The following ACTN1 variants were observed in gnomAD, a reference collection of about 807,000 sequenced individuals.
ACTN1 encodes alpha-actinin-1.
In ACTN1, 30 loss-of-function variants were observed where a neutral mutation model predicts 119.6. The ratio of observed to expected loss-of-function variants is 0.25; its 90% confidence interval spans 0.19 to 0.34. The LOEUF is 0.34. Among genes scored for constraint, ACTN1 ranks in the 10% least tolerant of loss-of-function variants. The pLI is 1.00. For missense variants in ACTN1, 764 were observed against 1,223.4 expected (o/e 0.62, Z 5.60); for synonymous variants, 429 against 472.6 (o/e 0.91, Z 1.20).
At chr14:68,932,471 A>G (rs2035264747) in intron 1 of ACTN1, among the ~76,000 whole-genome samples, 1 of 137,864 alleles carries the variant, frequency 7.3e-6, no homozygotes, top group South Asian at 2.3e-4. Flanking sequence ...CATCTATCTC[A>G]TTAGTTCTGT....
chr14:68,914,606 A>C (rs981014320), intron 3 of ACTN1, among the ~76,000 whole-genome samples: 3 of 152,134 alleles, frequency 2.0e-5, no homozygotes, highest in African/African-American at 7.2e-5. Flanking sequence ...CTCTACAAAA[A>C]AATGAAAAAA....
intron 1 of ACTN1, among the ~76,000 whole-genome samples, chr14:68,952,653 C>A (rs558698562): frequency 3.3e-5 from 5 of 151,782 alleles, no homozygotes; most frequent in Non-Finnish European, 5.9e-5. Flanking sequence ...TCTGAAGGCA[C>A]AGGCTTAACA....
intron 3 of ACTN1, among the ~76,000 whole-genome samples, chr14:68,917,795 G>A (rs970373482): frequency 2.0e-5 from 3 of 152,238 alleles, no homozygotes; most frequent in African/African-American, 7.2e-5. Flanking sequence ...TCGGGGCGTG[G>A]TGGCTTGCGC....
chr14:68,959,072 T>C (rs1325258961), intron 1 of ACTN1, among the ~76,000 whole-genome samples: 5 of 152,240 alleles, frequency 3.3e-5, no homozygotes, highest in African/African-American at 4.8e-5. Context: ...CACCAACCTA[T>C]TAGCTCTCTT....
At chr14:68,956,869 TGGGGA>T (rs2140575186) in intron 1 of ACTN1, among the ~76,000 whole-genome samples, 1 of 152,072 alleles carries the variant, frequency 6.6e-6, no homozygotes, top group African/African-American at 2.4e-5. Context: ...GTTTTCTGGG[TGGGGA>T]GAGACAAAGC....
rs770672420 is a variant in ACTN1, at chr14:68,875,105, G to A, written c.2587-88C>T. On this transcript the variant is annotated intron_variant, in intron 21 of 21. Coordinates refer to ENST00000394419, the MANE Select transcript of ACTN1 (RefSeq NM_001130004.2). ...ACACAGCCGCAAAGCCTGGCGGCGT[G>A]AAGGCAGCATGTGCCGTTTGCATTT... The A allele has an allele frequency of 3.8e-6, 6 of 1,576,510 alleles. No individual in the cohort carries two copies. The Admixed American group carries it at 9.1e-5, about 24-fold the overall frequency.
rs2031116558 is a variant in ACTN1, at chr14:68,878,270, T to C, written c.2427+188A>G. ...AGGCGAGGAGGTCAGGCCTCCCGGA[T>C]ACACACACGCCCGTGGCCGGGCCGG... On this transcript the variant is annotated intron_variant, in intron 20 of 21. Coordinates refer to ENST00000394419, the MANE Select transcript of ACTN1 (RefSeq NM_001130004.2). The surrounding 1 kb of genome is among the most constrained non-coding windows in gnomAD (Gnocchi z 4.4). The C allele has an allele frequency of 1.4e-6, 1 of 739,544 alleles. No individual in the cohort carries two copies. Among genetic ancestry groups the C allele is most frequent in the Non-Finnish European group, 2.1e-6 (1 of 481,530 alleles). 45.8% of individuals were successfully genotyped at this position (739,544 alleles called of 1,614,324 possible). A position where few individuals can be genotyped will look rare whatever the true frequency, so the allele number is the denominator to read the frequency against.
intron 1 of ACTN1, among the ~76,000 whole-genome samples, chr14:68,967,698 G>T (rs1322261623): frequency 6.6e-6 from 1 of 152,254 alleles, no homozygotes; most frequent in African/African-American, 2.4e-5. Flanking sequence ...AGAGCCAGAA[G>T]ATAAGAAGGC....
In ACTN1 at chr14:68,884,853, G is replaced by A. The variant is rs1186664365; in HGVS notation, c.1416C>T (p.Val472=). The A allele has an allele frequency of 6.2e-7, 1 of 1,614,160 alleles. No individual in the cohort carries two copies. Among genetic ancestry groups the A allele is most frequent in the Non-Finnish European group, 8.5e-7 (1 of 1,179,970 alleles). Residue 472 remains valine (V), a synonymous_variant, in exon 13 of 22, where the codon GTC becomes GTT. Transcript: ENST00000394419. ...NELDYYDSPS[V]NARCQKICDQ... is the part of the protein sequence containing the mutation. ...CACAGATCTTTTGGCAACGGGCGTT[G>A]ACACTGGGTGAGTCATAATAGTCCA...
intron 1 of ACTN1, among the ~76,000 whole-genome samples, chr14:68,938,465 C>G (rs573578641): frequency 6.6e-6 from 1 of 152,016 alleles, no homozygotes. Flanking sequence ...CCTCAGGATC[C>G]CTATCTGTAA....
In ACTN1 at chr14:68,887,709, A is replaced by C. The variant is rs1227839902; in HGVS notation, c.1235-2134T>G. On this transcript the variant is annotated intron_variant, in intron 11 of 21. Coordinates refer to ENST00000394419, the MANE Select transcript of ACTN1 (RefSeq NM_001130004.2). ...CTACTAAAAAGCTTGCATTTACAAAATAGTTGATAAAAAATATTCCTCTGG... is the reference window on the plus strand; with the variant it reads ...CTACTAAAAAGCTTGCATTTACAAACTAGTTGATAAAAAATATTCCTCTGG... The C allele has an allele frequency of 1.4e-5, 20 of 1,387,184 alleles. No homozygotes were observed. The East Asian group carries it at 4.5e-4, about 31-fold the overall frequency. The allele number at this position is 1,387,184 out of a possible 1,614,324, so 85.9% of individuals were successfully genotyped here.
At chr14:68,912,130 C>T (rs373250874) in intron 4 of ACTN1, 26 bp downstream of exon 4, 80 of 1,608,220 alleles carry the variant, frequency 5.0e-5, no homozygotes, top group Non-Finnish European at 6.3e-5. Context: ...ATGGTGATGG[C>T]GGGATGGAAC....
chr14:68,915,809 G>A (rs1387746638), intron 3 of ACTN1, among the ~76,000 whole-genome samples: 2 of 152,222 alleles, frequency 1.3e-5, no homozygotes, highest in Non-Finnish European at 2.9e-5. Context: ...TTGAGGTCAG[G>A]AGTTCAAGAC....
chr14:68,911,827 T>G (rs1445168528), intron 4 of ACTN1, among the ~76,000 whole-genome samples: 1 of 152,270 alleles, frequency 6.6e-6, no homozygotes, highest in East Asian at 1.9e-4. Context: ...CCCCTCCTGG[T>G]CCTTCCTCCC....
At chr14:68,901,610 G>A (rs1398997958) in intron 8 of ACTN1, among the ~76,000 whole-genome samples, 3 of 151,552 alleles carry the variant, frequency 2.0e-5, no homozygotes, top group Admixed American at 2.0e-4. Context: ...TGCATGAGAC[G>A]TGAAGATTCT....
intron 9 of ACTN1, 65 bp from the exon 10 acceptor site, chr14:68,892,348 C>T: frequency 6.6e-7 from 1 of 1,512,200 alleles, no homozygotes; most frequent in Non-Finnish European, 9.0e-7. Context: ...TAGGGCCAGC[C>T]TCCCTTTCCT....
intron 3 of ACTN1, among the ~76,000 whole-genome samples, chr14:68,918,123 G>A (rs866825407): frequency 5.6e-4 from 86 of 152,292 alleles, no homozygotes; most frequent in African/African-American, 1.9e-3. Context: ...CTAGGCCTGC[G>A]TCAAAGGAAA....
In ACTN1 at chr14:68,878,907, AG is replaced by A; in HGVS notation, c.2361+81del. 1 of 1,604,590 alleles carries A rather than the reference AG, an allele frequency of 6.2e-7. No individual in the cohort carries two copies. The highest frequency in any genetic ancestry group is 1.7e-5 in the Admixed American group (1 of 59,904). ...CAGGAGGGGGACAGGAGATCCAGAC[AG>A]AGAGAAGAGAAAAAGGAAAAACGCA... On this transcript the variant is annotated intron_variant, in intron 19 of 21. Transcript: ENST00000394419. This position sits in a 1 kb window ranked among gnomAD's most constrained non-coding sequence, Gnocchi z 4.4.
chr14:68,950,595 T>C (rs1211945582), intron 1 of ACTN1, among the ~76,000 whole-genome samples: 2 of 150,564 alleles, frequency 1.3e-5, no homozygotes, highest in African/African-American at 2.5e-5. Context: ...GGAGTCTCAC[T>C]CTGTCGCCCA....
Sources: gnomAD v4.1 joint callset for allele counts (sites outside exome capture counted in the v4.1 genomes callset) on GRCh38, gnomAD v4.1.1 for gene constraint, Gnocchi (gnomAD v3.1) non-coding constraint, MANE v1.5 for transcripts, NCBI Gene and HGNC (gene_info 2026-07-23, HGNC 2026-07-21) for gene names.